CCDC196: variants seen among roughly 807,000 people sequenced by gnomAD.
CCDC196 encodes coiled-coil domain containing 196.
At position 66,488,351 on chromosome 14, in the gene CCDC196, C is replaced by G. The variant is rs953612366; in HGVS notation, c.300+95C>G. ...GGAGAGAAAGACAGAGTACTCATCT[C>G]TAGCATCTGATGCTCCAACACTCAT... On this transcript the variant is annotated intron_variant, in intron 3 of 9. Transcript: ENST00000636229. The G allele has an allele frequency of 9.9e-6, 4 of 402,414 alleles. No individual in the cohort carries two copies. The East Asian group carries it at 1.1e-4, about 11-fold the overall frequency. 24.9% of individuals were successfully genotyped at this position (402,414 alleles called of 1,614,324 possible). A position where few individuals can be genotyped will look rare whatever the true frequency, so the allele number is the denominator to read the frequency against.
chr14:66,487,390 T>C (rs1239224016), intron 2 of CCDC196, among the ~76,000 whole-genome samples: 1 of 152,160 alleles, frequency 6.6e-6, no homozygotes, highest in Non-Finnish European at 1.5e-5. Flanking sequence ...AGGACTCATA[T>C]TTTTGGAGAA....
rs1044316253 is a variant in CCDC196, at chr14:66,486,447, A to C, written c.-56A>C. 3.7e-5 allele frequency: 15 copies of C among 402,856 alleles called. No homozygotes were observed. In the Admixed American group the frequency reaches 4.0e-4, roughly 11 times the overall value. The allele number at this position is 402,856 out of a possible 1,614,324, so 25.0% of individuals were successfully genotyped here. A position where few individuals can be genotyped will look rare whatever the true frequency, so the allele number is the denominator to read the frequency against. On this transcript the variant is annotated 5_prime_UTR_variant, in exon 1 of 10. Transcript: ENST00000636229. ...AAAAATAATGACTTAACTGGATAGA[A>C]AAAAAGGCACATATTTTCAGGAAGG...
chr14:66,491,031 C>A lies in CCDC196; in HGVS notation c.440C>A (p.Ser147Tyr), dbSNP rs1420601784. The part of the protein sequence containing the change: ...ADLQDGKAPK[S>Y]PSSPRKTESE... ...CTTCTTTCATCCCAGGCTCCCAAATCCCCCTCATCACCTAGGAAGACTGAG... is the reference window on the plus strand; with the variant it reads ...CTTCTTTCATCCCAGGCTCCCAAATACCCCTCATCACCTAGGAAGACTGAG... The change falls in exon 6 of 10, where the codon TCC becomes TAC. Residue 147 changes from serine to tyrosine, a missense_variant. Ser to Tyr is a moderately radical substitution (Grantham distance 144, BLOSUM62 -2). Coordinates refer to ENST00000636229, the MANE Select transcript of CCDC196 (RefSeq NM_001351576.1). The A allele has an allele frequency of 1.5e-5, 6 of 413,426 alleles. No individual in the cohort carries two copies. The Admixed American group carries it at 2.6e-4, about 18-fold the overall frequency. The allele number at this position is 413,426 out of a possible 1,614,324, so 25.6% of individuals were successfully genotyped here.
intron 6 of CCDC196, 81 bp from the exon 7 acceptor site, chr14:66,491,545 A>G (rs1438699463): frequency 7.3e-6 from 3 of 412,872 alleles, no homozygotes; most frequent in Admixed American, 4.4e-5. Flanking sequence ...TAATTTTGCT[A>G]TAAGGCTTTT....
At position 66,486,442 on chromosome 14, in the gene CCDC196, A is replaced by G; in HGVS notation, c.-61A>G. 2.5e-6 allele frequency: 1 copy of G among 401,968 alleles called. No homozygotes were observed. The highest frequency in any genetic ancestry group is 4.4e-6 in the Non-Finnish European group (1 of 225,890). 24.9% of individuals were successfully genotyped at this position (401,968 alleles called of 1,614,324 possible). On this transcript the variant is annotated 5_prime_UTR_variant, in exon 1 of 10. Transcript: ENST00000636229. Reference sequence around the variant, plus strand: ...AGCACAAAAATAATGACTTAACTGGATAGAAAAAAAGGCACATATTTTCAG... The same window carrying G: ...AGCACAAAAATAATGACTTAACTGGGTAGAAAAAAAGGCACATATTTTCAG...
At chr14:66,492,618 G>T (rs945059103) in intron 8 of CCDC196, among the ~76,000 whole-genome samples, 1 of 152,142 alleles carries the variant, frequency 6.6e-6, no homozygotes, top group African/African-American at 2.4e-5. Context: ...GGGATTACAG[G>T]TGTGAGCCAC....
intron 9 of CCDC196, 90 bp downstream of exon 9, chr14:66,498,257 A>ATATATTCT (rs2057713362): frequency 2.4e-6 from 1 of 412,674 alleles, no homozygotes; most frequent in Non-Finnish European, 4.4e-6. Context: ...ATTGCTTAAC[A>ATATATTCT]TATATTCTAA....
At chr14:66,494,914 T>C (rs537321836) in intron 8 of CCDC196, 40 of 151,836 alleles carry the variant, frequency 2.6e-4, no homozygotes, top group African/African-American at 9.0e-4. Context: ...TAGTCCCAGA[T>C]ACTCAGGAGG....
Position 66,490,763 on chromosome 14 carries a change from A to C in CCDC196, c.373A>C (p.Ser125Arg), listed in dbSNP as rs780478731. The change falls in exon 5 of 10, where the codon AGT becomes CGT. Residue 125 changes from serine to arginine, a missense_variant. Coordinates refer to ENST00000636229, the MANE Select transcript of CCDC196 (RefSeq NM_001351576.1). ...WNKTFEAEELSDQQKAPQTKN... is the reference protein window; with the variant it reads ...WNKTFEAEELRDQQKAPQTKN... ...ACAGACATTCGAGGCAGAAGAACTT[A>C]GTGATCAACAAAAAGCACCACAGAC... is the stretch of plus-strand genomic sequence containing the variant. 2 of 399,452 alleles carry C rather than the reference A, an allele frequency of 5.0e-6. No homozygotes were observed. The highest frequency in any genetic ancestry group is 8.8e-6 in the Non-Finnish European group (2 of 226,166). 24.7% of individuals were successfully genotyped at this position (399,452 alleles called of 1,614,324 possible). A position where few individuals can be genotyped will look rare whatever the true frequency, so the allele number is the denominator to read the frequency against.
At chr14:66,487,177 T>G (rs1299126183) in intron 2 of CCDC196, among the ~76,000 whole-genome samples, 1 of 152,032 alleles carries the variant, frequency 6.6e-6, no homozygotes, top group African/African-American at 2.4e-5. Context: ...TGCCAAGCAG[T>G]GGAATGGCAG....
At chr14:66,490,946 G>C (rs1471814101) in intron 5 of CCDC196, 75 bp from the exon 6 acceptor site, 2 of 412,848 alleles carry the variant, frequency 4.8e-6, no homozygotes, top group Admixed American at 8.8e-5. Context: ...GGGTTTATTA[G>C]ATTTATGGCC....
chr14:66,489,997 C>T (rs1044426024), intron 4 of CCDC196, among the ~76,000 whole-genome samples: 1 of 152,060 alleles, frequency 6.6e-6, no homozygotes, highest in African/African-American at 2.4e-5. Context: ...ATAGTGTGAT[C>T]TCTGTCTTTT....
chr14:66,496,195 C>G, intron 8 of CCDC196: 1 of 450,936 alleles, frequency 2.2e-6, no homozygotes, highest in South Asian at 1.6e-5. Flanking sequence ...ATTTTGGACA[C>G]ACCTCTCAGT....
At chr14:66,492,265 G>A (rs1465053597) in intron 8 of CCDC196, 71 bp downstream of exon 8, 3 of 409,148 alleles carry the variant, frequency 7.3e-6, no homozygotes, top group Non-Finnish European at 1.3e-5. Context: ...ACCTTTACTT[G>A]TAAAGTGAGC....
At chr14:66,495,801 G>T (rs1396084561) in intron 8 of CCDC196, 1 of 154,684 alleles carries the variant, frequency 6.5e-6, no homozygotes, top group Non-Finnish European at 1.4e-5. Flanking sequence ...AATGAAAAAA[G>T]AAAAAAATTT....
At chr14:66,488,307 C>G (rs2057456019) in intron 3 of CCDC196, 51 bp downstream of exon 3, 1 of 410,280 alleles carries the variant, frequency 2.4e-6, no homozygotes, top group African/African-American at 2.1e-5. Context: ...GGGCTCAATT[C>G]CATTGCAGTG....
chr14:66,496,392 A>G, intron 8 of CCDC196: 1 of 455,998 alleles, frequency 2.2e-6, no homozygotes, highest in Non-Finnish European at 4.4e-6. Flanking sequence ...TTACACTTCA[A>G]CAAATCCCTA....
chr14:66,487,432 C>T (rs1354829720), intron 2 of CCDC196, among the ~76,000 whole-genome samples: 2 of 152,144 alleles, frequency 1.3e-5, no homozygotes, highest in Non-Finnish European at 2.9e-5. Context: ...TGGTCAAGCA[C>T]CAGCTGCTTA....
rs768857916 is a variant in CCDC196, at chr14:66,490,925, C to A, written c.430-96C>A. 6 of 412,250 alleles carry A rather than the reference C, an allele frequency of 1.5e-5. 1 individual carries two copies. In the Middle Eastern group the frequency reaches 1.9e-3, roughly 130 times the overall value. The allele number at this position is 412,250 out of a possible 1,614,324, so 25.5% of individuals were successfully genotyped here. ...ATTTGGGTAGGCAGATAGGTAGGAT[C>A]TGGGTTTTTAGGGTTTATTAGATTT... On this transcript the variant is annotated intron_variant, in intron 5 of 9. Transcript: ENST00000636229.
Sources: gnomAD v4.1 joint callset for allele counts (sites outside exome capture counted in the v4.1 genomes callset) on GRCh38, gnomAD v4.1.1 for gene constraint, MANE v1.5 for transcripts, NCBI Gene and HGNC (gene_info 2026-07-23, HGNC 2026-07-21) for gene names.